CADM2: variants seen among roughly 807,000 people sequenced by gnomAD.
CADM2 encodes immunoglobulin superfamily member 4D.
CADM2 carries 12 observed loss-of-function variants against 49.8 expected under a neutral mutation model. The ratio of observed to expected loss-of-function variants is 0.24; its 90% confidence interval spans 0.15 to 0.39. CADM2 has a LOEUF of 0.39. Ranked by LOEUF, CADM2 falls within the 10% of genes least tolerant of loss-of-function variation. The probability of loss-of-function intolerance (pLI) is 1.00; values close to 1 mark genes in which losing one functional copy is unlikely to be tolerated. For missense variants in CADM2, 378 were observed against 492.3 expected (o/e 0.77, Z 2.20); for synonymous variants, 214 against 175.4 (o/e 1.22, Z -1.74).
chr3:85,230,175 T>C (rs993271663), intron 1 of CADM2, among the ~76,000 whole-genome samples: 3 of 151,788 alleles, frequency 2.0e-5, no homozygotes, highest in East Asian at 3.9e-4. Context: ...CAGCAAGGAG[T>C]ATATTATGAA....
intron 1 of CADM2, among the ~76,000 whole-genome samples, chr3:85,333,177 T>G (rs1171732892): frequency 3.3e-5 from 5 of 151,892 alleles, no homozygotes; most frequent in African/African-American, 1.2e-4. Context: ...GTTTAAAGTG[T>G]TAATTATAAA....
At chr3:85,650,607 T>C (rs150192992) in intron 1 of CADM2, among the ~76,000 whole-genome samples, 1 of 151,928 alleles carries the variant, frequency 6.6e-6, no homozygotes, top group East Asian at 1.9e-4. Flanking sequence ...TGGTGTAACC[T>C]AGGAACTTGT....
chr3:85,669,911 C>T (rs527479513), intron 1 of CADM2, among the ~76,000 whole-genome samples: 23 of 152,060 alleles, frequency 1.5e-4, no homozygotes, highest in African/African-American at 3.4e-4. Context: ...GATGAAGGAG[C>T]GGCAGCATGA....
intron 1 of CADM2, among the ~76,000 whole-genome samples, chr3:85,320,291 A>G (rs2044566833): frequency 1.3e-5 from 2 of 152,208 alleles, no homozygotes; most frequent in African/African-American, 4.8e-5. Flanking sequence ...GAACGTTTAA[A>G]GCAAATACTG....
intron 1 of CADM2, among the ~76,000 whole-genome samples, chr3:85,361,421 A>G (rs781416895): frequency 1.4e-4 from 21 of 152,136 alleles, no homozygotes; most frequent in Non-Finnish European, 2.8e-4. Flanking sequence ...CCTTAGCCTA[A>G]TGGTCTCCAA....
At chr3:85,139,843 A>G (rs1327849797) in intron 1 of CADM2, among the ~76,000 whole-genome samples, 1 of 152,126 alleles carries the variant, frequency 6.6e-6, no homozygotes, top group Non-Finnish European at 1.5e-5. Flanking sequence ...TACTACTTAT[A>G]AGGGTTTTTT....
At chr3:85,463,057 T>G (rs545999511) in intron 1 of CADM2, among the ~76,000 whole-genome samples, 46 of 152,274 alleles carry the variant, frequency 3.0e-4, no homozygotes, top group African/African-American at 1.1e-3. Flanking sequence ...GAGCATTAAA[T>G]TATTTAAGCC....
chr3:85,358,673 A>G (rs1242044122), intron 1 of CADM2, among the ~76,000 whole-genome samples: 1 of 152,184 alleles, frequency 6.6e-6, no homozygotes, highest in Non-Finnish European at 1.5e-5. Flanking sequence ...GAAAAATGGA[A>G]AGAAATCAAG....
In CADM2 at chr3:86,066,675, A is replaced by G. The variant is rs760254499; in HGVS notation, c.1107A>G (p.Leu369=). ...RYLARHKGTY[L]TNEAKGAEDA... ...TTCCAATATATGCAGGAACGTATTT[A>G]ACAAATGAAGCTAAAGGAGCTGAAG... The change falls in exon 10 of 10, where the codon TTA becomes TTG. Residue 369 remains leucine, a synonymous_variant. Transcript: ENST00000383699. 6.2e-7 allele frequency: 1 copy of G among 1,612,066 alleles called. No individual in the cohort carries two copies. The highest frequency in any genetic ancestry group is 1.1e-5 in the South Asian group (1 of 91,030).
At chr3:85,228,774 G>A (rs753922250) in intron 1 of CADM2, among the ~76,000 whole-genome samples, 4 of 152,096 alleles carry the variant, frequency 2.6e-5, no homozygotes, top group African/African-American at 7.2e-5. Flanking sequence ...ACTGGGAGGT[G>A]TCTCCTAGCC....
intron 1 of CADM2, among the ~76,000 whole-genome samples, chr3:85,622,760 A>G (rs1051915296): frequency 7.9e-5 from 12 of 152,170 alleles, no homozygotes; most frequent in Admixed American, 6.6e-4. Context: ...TAAGAATTTC[A>G]ACTTATTTGT....
In CADM2 at chr3:85,013,781, T is replaced by TAA. The variant is rs566191377; in HGVS notation, c.61+54114_61+54115dup. Among the ~76,000 whole-genome samples, 699 of 148,560 alleles carry TAA rather than the reference T, an allele frequency of 4.7e-3. 3 individuals carry two copies. The highest frequency in any genetic ancestry group is 0.016 in the African/African-American group (667 of 40,876). On this transcript the variant is annotated intron_variant, in intron 1 of 9. Transcript: ENST00000383699. ...GTCCAAAAATAAGTATATATATATA[T>TAA]AATATTGTACTGAGGGCAGTAGTAA...
intron 1 of CADM2, among the ~76,000 whole-genome samples, chr3:85,268,511 A>G (rs544550887): frequency 1.4e-4 from 21 of 151,576 alleles, no homozygotes; most frequent in Middle Eastern, 6.8e-3. Context: ...TGACAGTTCA[A>G]TTTTGTAAAT....
intron 2 of CADM2, among the ~76,000 whole-genome samples, chr3:85,751,485 A>T (rs904417098): frequency 6.6e-6 from 1 of 152,160 alleles, no homozygotes; most frequent in African/African-American, 2.4e-5. Context: ...TTCCTATTTC[A>T]TGGAAAGGTT....
chr3:85,308,457 C>CAG lies in CADM2; in HGVS notation c.61+348796_61+348797dup, dbSNP rs1308629205. ...ATTTATTCGAAATTTTGAAGAACTT[C>CAG]AGAGAGAGTTAAGGCACAACTATCC... On this transcript the variant is annotated intron_variant, in intron 1 of 9. Coordinates refer to ENST00000383699, the MANE Select transcript of CADM2 (RefSeq NM_001167675.2). 2.6e-5 allele frequency among the ~76,000 whole-genome samples: 4 copies of CAG among 151,778 alleles called. No homozygotes were observed. In the South Asian group the frequency reaches 8.3e-4, roughly 31 times the overall value.
chr3:85,034,025 A>G (rs2035099992), intron 1 of CADM2, among the ~76,000 whole-genome samples: 1 of 152,174 alleles, frequency 6.6e-6, no homozygotes, highest in African/African-American at 2.4e-5. Context: ...ATGGAGTACA[A>G]TGAGATATTT....
At chr3:85,856,038 T>C (rs950325434) in intron 3 of CADM2, among the ~76,000 whole-genome samples, 2 of 152,200 alleles carry the variant, frequency 1.3e-5, no homozygotes, top group Admixed American at 6.5e-5. Context: ...GACCCTCTTC[T>C]ACATTTCTTG....
chr3:85,510,200 A>C (rs568182119), intron 1 of CADM2, among the ~76,000 whole-genome samples: 2 of 152,020 alleles, frequency 1.3e-5, no homozygotes, highest in African/African-American at 4.8e-5. Context: ...ATAAGGAGCT[A>C]TGTGTATCTA....
intron 1 of CADM2, among the ~76,000 whole-genome samples, chr3:85,608,012 A>G (rs143049215): frequency 3.3e-5 from 5 of 152,232 alleles, no homozygotes; most frequent in African/African-American, 9.6e-5. Flanking sequence ...TTCTGAATTC[A>G]TTACCTCGTA....
Sources: gnomAD v4.1 joint callset for allele counts (sites outside exome capture counted in the v4.1 genomes callset) on GRCh38, gnomAD v4.1.1 for gene constraint, MANE v1.5 for transcripts, NCBI Gene and HGNC (gene_info 2026-07-23, HGNC 2026-07-21) for gene names.